The following ATG7 variants were observed in gnomAD, a reference collection of about 807,000 sequenced individuals.
ATG7 encodes autophagy related 7.
In ATG7, 70 loss-of-function variants were observed where a neutral mutation model predicts 82.4. The observed-to-expected ratio is 0.85, with a 90% CI of 0.70 to 1.04. The LOEUF is 1.04. ATG7 is among the 50% of genes least tolerant of loss of function. The pLI is 0.00. For missense variants in ATG7, 792 were observed against 864.3 expected (o/e 0.92, Z 1.05); for synonymous variants, 287 against 313.0 (o/e 0.92, Z 0.88).
intron 3 of ATG7, 110 bp from the exon 4 acceptor site, chr3:11,298,576 C>G (rs1252711698): frequency 5.7e-6 from 6 of 1,059,078 alleles, no homozygotes; most frequent in Middle Eastern, 4.4e-4. Flanking sequence ...AGCCTGTAAA[C>G]ATCTCATTAC....
In ATG7 at chr3:11,518,982, TA is replaced by T. The variant is rs944984551; in HGVS notation, c.2080-35819del. Reference sequence around the variant, plus strand: ...CCTAATAAAAATTTTCATCAAGATTTAAAAAAAAAATCTTATATAAGTAAAT... The same window carrying T: ...CCTAATAAAAATTTTCATCAAGATTTAAAAAAAAATCTTATATAAGTAAAT... On this transcript the variant is annotated intron_variant, in intron 20 of 20. Transcript: ENST00000693202. 1.8e-3 allele frequency among the ~76,000 whole-genome samples: 264 copies of T among 150,472 alleles called. 2 individuals are homozygous for T. The highest frequency in any genetic ancestry group is 2.3e-3 in the Non-Finnish European group (156 of 67,514).
rs200364263 is a variant in ATG7 at position 11,417,805 on chromosome 3, A to ATTTTT, written c.1957-8995_1957-8994insTTTTT. On this transcript the variant is annotated intron_variant, in intron 19 of 20. Coordinates refer to ENST00000693202, the MANE Select transcript of ATG7 (RefSeq NM_001349232.2). ...AAAAAATTATTATTATTATTATTTT[A>ATTTTT]TTTTATTTTATTTTTTTTTTTTTTG... Among the ~76,000 whole-genome samples the ATTTTT allele has an allele frequency of 1.3e-3, 69 of 52,716 alleles. 1 individual carries two copies. Among genetic ancestry groups the ATTTTT allele is most frequent in the South Asian group, 3.6e-3 (5 of 1,408 alleles). The allele number at this position is 52,716 out of a possible 152,430, so 34.6% of individuals were successfully genotyped here.
At chr3:11,310,893 A>G (rs984515306) in intron 7 of ATG7, among the ~76,000 whole-genome samples, 2 of 152,112 alleles carry the variant, frequency 1.3e-5, no homozygotes, top group African/African-American at 4.8e-5. Flanking sequence ...CGGCCTCCCA[A>G]AGTGCTGGGA....
intron 20 of ATG7, among the ~76,000 whole-genome samples, chr3:11,481,256 A>G (rs1452532065): frequency 2.6e-5 from 4 of 152,230 alleles, no homozygotes; most frequent in African/African-American, 7.2e-5. Context: ...ACGGTTGCAC[A>G]ACAGTGTGAA....
At chr3:11,394,741 G>A (rs954026745) in intron 19 of ATG7, among the ~76,000 whole-genome samples, 1 of 152,188 alleles carries the variant, frequency 6.6e-6, no homozygotes. Context: ...AAACCGTAAG[G>A]CTTCCTTGCA....
intron 19 of ATG7, among the ~76,000 whole-genome samples, chr3:11,392,678 G>C (rs1472722200): frequency 6.6e-6 from 1 of 152,048 alleles, no homozygotes; most frequent in Non-Finnish European, 1.5e-5. Context: ...ATGTATATCA[G>C]CTTGATCAGA....
chr3:11,346,895 A>G (rs1172314832), intron 13 of ATG7, among the ~76,000 whole-genome samples: 1 of 152,260 alleles, frequency 6.6e-6, no homozygotes, highest in Non-Finnish European at 1.5e-5. Flanking sequence ...TTCTCGACAC[A>G]GAAAACAAAT....
chr3:11,304,976 A>G (rs1239377438), intron 5 of ATG7, among the ~76,000 whole-genome samples: 1 of 152,166 alleles, frequency 6.6e-6, no homozygotes. Context: ...TCTCCCAAAA[A>G]AGACACCCTT....
chr3:11,392,320 T>G (rs1428161705), intron 19 of ATG7, among the ~76,000 whole-genome samples: 2 of 152,148 alleles, frequency 1.3e-5, no homozygotes, highest in Middle Eastern at 3.2e-3. Context: ...CAGTGCTGTT[T>G]TGAAAATGCA....
At chr3:11,545,085 AAAGGCTGAGCAAGG>A in intron 20 of ATG7, among the ~76,000 whole-genome samples, 3 of 152,162 alleles carry the variant, frequency 2.0e-5, no homozygotes, top group African/African-American at 7.2e-5. Flanking sequence ...AAGCCTGTGA[AAAGGCTGAGCAAGG>A]GGAGAGCCAG....
chr3:11,566,442 T>G, the ATG7 span, among the ~76,000 whole-genome samples: 24 of 152,340 alleles, frequency 1.6e-4, no homozygotes, highest in Non-Finnish European at 2.4e-4. Context: ...TTGTATCCAT[T>G]CCAGAGCAAT....
chr3:11,475,909 C>CACACACACACACACACACA (rs1479988312), intron 20 of ATG7, among the ~76,000 whole-genome samples: 1,283 of 104,582 alleles, frequency 0.012, 14 homozygotes, highest in East Asian at 0.02. Flanking sequence ...ACACACACAC[C>CACACACACACACACACACA]CCCTCCCAGA....
intron 20 of ATG7, among the ~76,000 whole-genome samples, chr3:11,437,159 C>T (rs528775089): frequency 8.5e-5 from 13 of 152,298 alleles, no homozygotes; most frequent in Non-Finnish European, 1.6e-4. Context: ...GTTCTCTCTG[C>T]ATGCAATGTT....
intron 20 of ATG7, among the ~76,000 whole-genome samples, chr3:11,500,979 G>A (rs1011366786): frequency 6.6e-6 from 1 of 152,220 alleles, no homozygotes; most frequent in African/African-American, 2.4e-5. Flanking sequence ...ATAGGGCCGG[G>A]CATGGTAGCT....
downstream of ATG7, chr3:11,559,600 G>T: frequency 7.8e-7 from 1 of 1,274,830 alleles, no homozygotes; most frequent in Non-Finnish European, 1.0e-6. Flanking sequence ...CTGGAGTCCT[G>T]TTGCTAAACA....
intron 20 of ATG7, among the ~76,000 whole-genome samples, chr3:11,536,586 G>A (rs1260549664): frequency 6.6e-6 from 1 of 152,182 alleles, no homozygotes; most frequent in Non-Finnish European, 1.5e-5. Flanking sequence ...CACGGAGGTC[G>A]CCACCCATCT....
intron 19 of ATG7, among the ~76,000 whole-genome samples, chr3:11,388,123 A>G (rs534457100): frequency 1.3e-5 from 2 of 152,218 alleles, no homozygotes; most frequent in Non-Finnish European, 2.9e-5. Flanking sequence ...GAGAGTTGCA[A>G]CCAGTCCCAC....
chr3:11,393,493 C>T (rs2078978646), intron 19 of ATG7, among the ~76,000 whole-genome samples: 1 of 152,120 alleles, frequency 6.6e-6, no homozygotes, highest in Non-Finnish European at 1.5e-5. Context: ...AAATAAATTA[C>T]AGATAATAGG....
At chr3:11,347,439 A>AT (rs1954726281) in intron 13 of ATG7, among the ~76,000 whole-genome samples, 1 of 152,196 alleles carries the variant, frequency 6.6e-6, no homozygotes. Context: ...TTTGTGAGTC[A>AT]TTTTTTGGAG....
Sources: gnomAD v4.1 joint callset for allele counts (sites outside exome capture counted in the v4.1 genomes callset) on GRCh38, gnomAD v4.1.1 for gene constraint, MANE v1.5 for transcripts, NCBI Gene and HGNC (gene_info 2026-07-23, HGNC 2026-07-21) for gene names.